Variants in TNKS observed in about 807,000 individuals in gnomAD.
TNKS encodes the protein tankyrase, also known as poly [ADP-ribose] polymerase tankyrase-1.
TNKS carries 72 observed loss-of-function variants against 135.8 expected under a neutral mutation model. The ratio of observed to expected loss-of-function variants is 0.53; its 90% CI spans 0.44 to 0.64. The LOEUF (loss-of-function observed/expected upper bound fraction) is 0.64. Ranked by LOEUF, TNKS falls within the 30% of genes least tolerant of loss-of-function variation. The pLI, the probability that TNKS is intolerant of heterozygous loss-of-function variation, is 0.00. For synonymous variants in TNKS, 849 were observed against 649.3 expected, an observed-to-expected ratio of 1.31 and a Z score of -4.68; for missense variants, 1,769 against 1,674.0, an observed-to-expected ratio of 1.06 and a Z score of -0.99.
Position 9,777,167 on chromosome 8 carries a change from C to A in TNKS, c.*431C>A. On this transcript the variant is annotated 3_prime_UTR_variant, in exon 27 of 27. Transcript: ENST00000310430. ...GCTTGTTTTTGATTTGCCAGACATG[C>A]ATCATTGGCTATTGTTTGTTTGTTT... 1 of 159,864 alleles carries A rather than the reference C, an allele frequency of 6.3e-6. No individual in the cohort carries two copies. The highest frequency in any genetic ancestry group is 1.4e-5 in the Non-Finnish European group (1 of 72,028). The allele number at this position is 159,864 out of a possible 1,614,324, so 9.9% of individuals were successfully genotyped here.
intron 11 of TNKS, among the ~76,000 whole-genome samples, chr8:9,715,332 T>C (rs1804549872): frequency 6.8e-6 from 1 of 147,174 alleles, no homozygotes. Flanking sequence ...TCAAGGAAAG[T>C]AGCAAGGAAA....
intron 3 of TNKS, among the ~76,000 whole-genome samples, chr8:9,669,548 A>G (rs1195312516): frequency 6.6e-6 from 1 of 152,210 alleles, no homozygotes; most frequent in Non-Finnish European, 1.5e-5. Context: ...ATATCATGTT[A>G]CATATCTGTA....
intron 25 of TNKS, among the ~76,000 whole-genome samples, chr8:9,768,125 G>A (rs1807577449): frequency 1.3e-5 from 2 of 151,868 alleles, no homozygotes; most frequent in Non-Finnish European, 2.9e-5. Context: ...ATTAACAGTC[G>A]CTCATTAAAA....
At chr8:9,701,232 C>T (rs566743836) in intron 5 of TNKS, among the ~76,000 whole-genome samples, 3 of 152,254 alleles carry the variant, frequency 2.0e-5, no homozygotes, top group East Asian at 1.9e-4. Context: ...CCACCATGCC[C>T]GACCTGCCCT....
chr8:9,675,374 A>G (rs150333359), intron 3 of TNKS, among the ~76,000 whole-genome samples: 5 of 152,380 alleles, frequency 3.3e-5, no homozygotes, highest in African/African-American at 1.2e-4. Flanking sequence ...ACTCTGGAAT[A>G]TAAGAGTCCC....
intron 11 of TNKS, among the ~76,000 whole-genome samples, chr8:9,711,130 G>A (rs1278316923): frequency 6.6e-6 from 1 of 151,868 alleles, no homozygotes; most frequent in Admixed American, 6.6e-5. Flanking sequence ...TCCAAAGTAG[G>A]GTATAGACTC....
intron 3 of TNKS, among the ~76,000 whole-genome samples, chr8:9,678,982 C>T (rs777705320): frequency 6.6e-6 from 1 of 152,112 alleles, no homozygotes; most frequent in Non-Finnish European, 1.5e-5. Flanking sequence ...ACTGAAGGAA[C>T]AAACACTGTA....
At chr8:9,760,632 G>A (rs115491273) in intron 20 of TNKS, among the ~76,000 whole-genome samples, 1 of 152,170 alleles carries the variant, frequency 6.6e-6, no homozygotes, top group Non-Finnish European at 1.5e-5. Context: ...CTGGAAAATT[G>A]CATGTTCAGC....
intron 3 of TNKS, among the ~76,000 whole-genome samples, chr8:9,672,721 A>AAAAAAAAAC (rs1554466626): frequency 6.8e-6 from 1 of 147,732 alleles, no homozygotes; most frequent in African/African-American, 2.5e-5. Context: ...CAAAAAAAAA[A>AAAAAAAAAC]AAACAAACTA....
At chr8:9,721,722 C>T (rs1804889745) in intron 12 of TNKS, among the ~76,000 whole-genome samples, 1 of 151,994 alleles carries the variant, frequency 6.6e-6, no homozygotes, top group South Asian at 2.1e-4. Flanking sequence ...GATAATATGA[C>T]CTAACTGTAT....
chr8:9,670,246 G>T (rs1802214071), intron 3 of TNKS: 2 of 152,206 alleles, frequency 1.3e-5, no homozygotes, highest in South Asian at 2.1e-4. Flanking sequence ...TCAAAAGTTA[G>T]TTTGTGGTAT....
At chr8:9,577,438 T>C (rs1037803363) in intron 1 of TNKS, among the ~76,000 whole-genome samples, 8 of 152,204 alleles carry the variant, frequency 5.3e-5, no homozygotes, top group African/African-American at 1.9e-4. Context: ...CTCACAGTTT[T>C]GTAGACTGTA....
chr8:9,747,773 G>GA (rs1158417862), intron 17 of TNKS, among the ~76,000 whole-genome samples: 1 of 151,774 alleles, frequency 6.6e-6, no homozygotes, highest in African/African-American at 2.4e-5. Context: ...TGCATTTTTT[G>GA]AAAAAAAGCC....
chr8:9,587,257 A>T (rs1199513426), intron 2 of TNKS, among the ~76,000 whole-genome samples: 1 of 152,188 alleles, frequency 6.6e-6, no homozygotes, highest in Non-Finnish European at 1.5e-5. Flanking sequence ...GATGGATTCA[A>T]GCCACCATTG....
At chr8:9,574,450 C>T (rs1797867691) in intron 1 of TNKS, among the ~76,000 whole-genome samples, 1 of 152,128 alleles carries the variant, frequency 6.6e-6, no homozygotes, top group African/African-American at 2.4e-5. Context: ...CGGTTCTTGC[C>T]CAGACTACTG....
At chr8:9,637,225 T>C (rs1405201705) in intron 3 of TNKS, among the ~76,000 whole-genome samples, 1 of 152,200 alleles carries the variant, frequency 6.6e-6, no homozygotes, top group Admixed American at 6.5e-5. Context: ...TTTTCAAGTG[T>C]AGACTGTCCA....
At chr8:9,770,308 A>C in intron 26 of TNKS, 46 bp downstream of exon 26, 2 of 1,569,602 alleles carry the variant, frequency 1.3e-6, no homozygotes, top group Non-Finnish European at 1.7e-6. Context: ...CAAACATGTC[A>C]ATAGAGCACA....
chr8:9,680,298 TC>T (rs1433945233), intron 4 of TNKS, among the ~76,000 whole-genome samples: 4 of 152,202 alleles, frequency 2.6e-5, no homozygotes, highest in Non-Finnish European at 5.9e-5. Flanking sequence ...TGAAGATTTT[TC>T]TAGCAAAGCT....
chr8:9,564,234 C>G (rs1585171014), intron 1 of TNKS, among the ~76,000 whole-genome samples: 1 of 152,110 alleles, frequency 6.6e-6, no homozygotes, highest in African/African-American at 2.4e-5. Context: ...ATTCCCTACC[C>G]CATCAATGAA....
Sources: gnomAD v4.1 joint callset for allele counts (sites outside exome capture counted in the v4.1 genomes callset) on GRCh38, gnomAD v4.1.1 for gene constraint, MANE v1.5 for transcripts, NCBI Gene and HGNC (gene_info 2026-07-23, HGNC 2026-07-21) for gene names.